The following ABCB5 variants were observed in gnomAD, a reference collection of about 807,000 sequenced individuals.
The protein encoded by ABCB5 is ATP binding cassette subfamily B member 5.
A neutral mutation model predicts 144.2 loss-of-function variants in ABCB5; 155 were observed. That is an observed-to-expected ratio of 1.08 (90% CI 0.94 to 1.23). ABCB5 has a LOEUF of 1.23. Ranked by LOEUF, ABCB5 falls within the 50% of genes most tolerant of loss-of-function variation. The pLI, the probability that ABCB5 is intolerant of heterozygous loss-of-function variation, is 0.00. For missense variants in ABCB5, 1,830 were observed against 1,520.8 expected (o/e 1.20, Z -3.38); for synonymous variants, 610 against 528.6 (o/e 1.15, Z -2.11).
intron 14 of ABCB5, among the ~76,000 whole-genome samples, chr7:20,672,508 A>T (rs1475064809): frequency 6.6e-6 from 1 of 152,154 alleles, no homozygotes; most frequent in Admixed American, 6.5e-5. Flanking sequence ...ACCATGGCAC[A>T]CATTTATCTA....
intron 15 of ABCB5, among the ~76,000 whole-genome samples, chr7:20,684,079 A>G (rs1013342998): frequency 4.6e-5 from 7 of 152,250 alleles, no homozygotes; most frequent in Non-Finnish European, 1.0e-4. Flanking sequence ...AGTATTAAAC[A>G]GGCAAAATCA....
At chr7:20,710,942 T>C (rs887456581) in intron 20 of ABCB5, among the ~76,000 whole-genome samples, 2 of 150,056 alleles carry the variant, frequency 1.3e-5, no homozygotes, top group Non-Finnish European at 3.0e-5. Context: ...TTGCTAAGTA[T>C]AATGTTTTGT....
intron 16 of ABCB5, 117 bp downstream of exon 16, chr7:20,685,953 A>G: frequency 2.7e-6 from 3 of 1,094,782 alleles, no homozygotes; most frequent in Non-Finnish European, 2.5e-6. Context: ...CTAAGCTCAC[A>G]AAACATGTCT....
chr7:20,728,572 A>G, intron 23 of ABCB5, 117 bp downstream of exon 23: 2 of 1,185,530 alleles, frequency 1.7e-6, no homozygotes, highest in Non-Finnish European at 2.3e-6. Context: ...TGACCAACAT[A>G]ATAAAACCCC....
rs189210272 is a variant in ABCB5, at chr7:20,623,855, T to G, written c.53+517T>G. ...ATTTCCACTTTTACCATAATAATTG[T>G]GTTATATTTGGACATACAATCTATA... On this transcript the variant is annotated intron_variant, in intron 2 of 27. Coordinates refer to ENST00000404938, the MANE Select transcript of ABCB5 (RefSeq NM_001163941.2). 3.0e-3 allele frequency among the ~76,000 whole-genome samples: 461 copies of G among 152,346 alleles called. 11 individuals are homozygous for G. The highest frequency in any genetic ancestry group is 0.028 in the Admixed American group (424 of 15,304).
At chr7:20,618,351 A>T (rs1283541004) in intron 1 of ABCB5, among the ~76,000 whole-genome samples, 1 of 152,156 alleles carries the variant, frequency 6.6e-6, no homozygotes, top group Non-Finnish European at 1.5e-5. Flanking sequence ...TTCAAGGTTT[A>T]TTTATGTAGC....
At chr7:20,680,622 G>C (rs534831631) in intron 14 of ABCB5, among the ~76,000 whole-genome samples, 135 of 151,596 alleles carry the variant, frequency 8.9e-4, no homozygotes, top group African/African-American at 3.1e-3. Context: ...ATGGACTTGT[G>C]GGTGCTGGTA....
chr7:20,658,982 C>G, intron 14 of ABCB5: 1 of 1,477,450 alleles, frequency 6.8e-7, no homozygotes, highest in South Asian at 1.1e-5. Flanking sequence ...CCACCACTAT[C>G]ATCACTATTA....
intron 13 of ABCB5, among the ~76,000 whole-genome samples, chr7:20,657,113 T>C (rs922812841): frequency 1.3e-5 from 2 of 151,934 alleles, no homozygotes; most frequent in Admixed American, 1.3e-4. Flanking sequence ...TTCACCATGT[T>C]GCCCAGGCTG....
chr7:20,720,131 A>G (rs1356344609), intron 20 of ABCB5, among the ~76,000 whole-genome samples: 1 of 152,212 alleles, frequency 6.6e-6, no homozygotes, highest in Non-Finnish European at 1.5e-5. Flanking sequence ...AAACTGGAAA[A>G]TCATTTTGTG....
chr7:20,632,091 A>T lies in ABCB5; in HGVS notation c.292A>T (p.Lys98Ter). 6.5e-7 allele frequency: 1 copy of T among 1,527,052 alleles called. No homozygotes were observed. The highest frequency in any genetic ancestry group is 1.4e-5 in the African/African-American group (1 of 72,026). 94.6% of individuals were successfully genotyped at this position (1,527,052 alleles called of 1,614,324 possible). Residue 98 changes from lysine (K) to a stop codon, truncating the protein, a stop_gained, in exon 5 of 28, where the codon AAG (lysine) becomes TAG (stop). Coordinates refer to ENST00000404938, the MANE Select transcript of ABCB5 (RefSeq NM_001163941.2). LOFTEE classifies it high-confidence loss of function. Reference protein sequence around the residue: ...NYQNCTQSQEKLNEDMTLLTL... With the variant: ...NYQNCTQSQE The stretch of plus-strand genomic sequence containing the variant: ...TCAGAACTGTACTCAGTCTCAAGAG[A>T]AGCTGAATGAAGATATGACTCTGTA...
rs1244223784 is a variant in ABCB5, at chr7:20,753,704, G to A, written c.3576+198G>A. Among the ~76,000 whole-genome samples the A allele has an allele frequency of 2.6e-5, 4 of 151,940 alleles. No homozygotes were observed. The East Asian group carries it at 7.7e-4, about 29-fold the overall frequency. On this transcript the variant is annotated intron_variant, in intron 27 of 27. Coordinates refer to ENST00000404938, the MANE Select transcript of ABCB5 (RefSeq NM_001163941.2). ...GAGGTGGGAGACAGTTGAGACAGAG[G>A]GAATCTCATGTTCCAGAAAGGTTTT...
At chr7:20,657,318 T>TA (rs34999687) in intron 13 of ABCB5, among the ~76,000 whole-genome samples, 32,553 of 151,938 alleles carry the variant, frequency 0.21, 4,016 homozygotes, top group African/African-American at 0.34. Flanking sequence ...ATACTTATAC[T>TA]AAAAAAAACT....
At chr7:20,622,121 A>G (rs1353676004) in intron 1 of ABCB5, among the ~76,000 whole-genome samples, 2 of 152,152 alleles carry the variant, frequency 1.3e-5, no homozygotes, top group Non-Finnish European at 1.5e-5. Context: ...TTGAGAATAG[A>G]ACGCATACAT....
chr7:20,750,807 T>C (rs1278090061), intron 26 of ABCB5, among the ~76,000 whole-genome samples: 1 of 152,122 alleles, frequency 6.6e-6, no homozygotes, highest in Non-Finnish European at 1.5e-5. Context: ...CTGAGTGTAA[T>C]GTAATGCATC....
At chr7:20,752,386 G>C (rs1183522092) in intron 26 of ABCB5, among the ~76,000 whole-genome samples, 1 of 152,220 alleles carries the variant, frequency 6.6e-6, no homozygotes, top group East Asian at 1.9e-4. Flanking sequence ...TTGTGATTCA[G>C]AGGACCATGA....
intron 20 of ABCB5, among the ~76,000 whole-genome samples, chr7:20,715,665 C>T (rs1203411984): frequency 2.0e-5 from 3 of 151,882 alleles, no homozygotes; most frequent in Non-Finnish European, 2.9e-5. Flanking sequence ...CCACTTGGGC[C>T]TCCCAAAGTG....
At chr7:20,651,977 G>C (rs1250477855) in intron 13 of ABCB5, among the ~76,000 whole-genome samples, 2 of 152,086 alleles carry the variant, frequency 1.3e-5, no homozygotes, top group African/African-American at 4.8e-5. Flanking sequence ...AGAGAAGAAT[G>C]CATAGTAACA....
At chr7:20,656,107 C>A (rs1446151430) in intron 13 of ABCB5, among the ~76,000 whole-genome samples, 1 of 152,118 alleles carries the variant, frequency 6.6e-6, no homozygotes, top group African/African-American at 2.4e-5. Context: ...TAAAATGTGA[C>A]CTTTACTTTA....
Sources: allele counts gnomAD v4.1 joint callset (sites outside exome capture counted in the v4.1 genomes callset), GRCh38; gene constraint gnomAD v4.1.1; transcripts MANE v1.5; gene names NCBI Gene and HGNC (gene_info 2026-07-23, HGNC 2026-07-21).